The following DMD variants were observed in gnomAD, a reference collection of about 807,000 sequenced individuals.
DMD encodes dystrophin, also known as mutant dystrophin.
A neutral mutation model predicts 330.1 loss-of-function variants in DMD; 63 were observed. The ratio of observed to expected loss-of-function variants is 0.19; its 90% CI spans 0.16 to 0.24. DMD has a LOEUF of 0.24. Ranked by LOEUF, DMD falls within the 10% of genes least tolerant of loss-of-function variation. The pLI, the probability that DMD is intolerant of heterozygous loss-of-function variation, is 1.00. For synonymous variants in DMD, 1,223 were observed against 959.8 expected (o/e 1.27, Z -5.07); for missense variants, 3,344 against 2,684.1 (o/e 1.25, Z -5.43).
chrX:33,337,725 A>C (rs1169893643), intron 1 of DMD, among the ~76,000 whole-genome samples: 1 of 112,167 alleles, frequency 8.9e-6, no homozygotes, highest in Non-Finnish European at 1.9e-5. Flanking sequence ...TAATTAGCCC[A>C]CCACTTGCTA....
intron 43 of DMD, among the ~76,000 whole-genome samples, chrX:32,264,803 G>T (rs777258909): frequency 9.0e-6 from 1 of 111,690 alleles, no homozygotes; most frequent in Non-Finnish European, 1.9e-5. Context: ...AGATGATTTA[G>T]GGCATCTGGT....
At chrX:32,395,140 C>T (rs1334504929) in intron 30 of DMD, among the ~76,000 whole-genome samples, 1 of 110,806 alleles carries the variant, frequency 9.0e-6, no homozygotes, top group Non-Finnish European at 1.9e-5. Context: ...AATTATACTG[C>T]CTCTTTAATT....
At chrX:32,632,477 C>G (rs1053296430) in intron 11 of DMD, among the ~76,000 whole-genome samples, 1 of 112,457 alleles carries the variant, frequency 8.9e-6, no homozygotes, top group Non-Finnish European at 1.9e-5. Flanking sequence ...TGTGGGGGAT[C>G]AAAGCCCACA....
At chrX:32,403,436 C>A (rs1458818456) in intron 30 of DMD, among the ~76,000 whole-genome samples, 1 of 111,345 alleles carries the variant, frequency 9.0e-6, no homozygotes, top group Non-Finnish European at 1.9e-5. Context: ...TTTACAAAAG[C>A]ATACTATAGT....
intron 1 of DMD, among the ~76,000 whole-genome samples, chrX:33,222,237 G>C (rs2148874891): frequency 8.9e-6 from 1 of 111,960 alleles, no homozygotes; most frequent in East Asian, 2.8e-4. Flanking sequence ...AATCTGGCTT[G>C]ATATTTGAAA....
intron 44 of DMD, among the ~76,000 whole-genome samples, chrX:32,079,770 T>C (rs1212026199): frequency 2.7e-5 from 3 of 112,193 alleles, no homozygotes; most frequent in Non-Finnish European, 3.8e-5. Flanking sequence ...TCTAGTTATT[T>C]TGTTTTCTGT....
At chrX:32,896,875 G>A (rs1400748991) in intron 2 of DMD, among the ~76,000 whole-genome samples, 3 of 112,207 alleles carry the variant, frequency 2.7e-5, no homozygotes, top group Admixed American at 9.4e-5. Flanking sequence ...ACTGTGGTAC[G>A]CAGAACTTGA....
chrX:31,864,939 A>G (rs998098214), intron 48 of DMD, among the ~76,000 whole-genome samples: 2 of 111,973 alleles, frequency 1.8e-5, no homozygotes, highest in Admixed American at 9.5e-5. Context: ...AATTCACTCA[A>G]TTTTTCATTT....
intron 7 of DMD, among the ~76,000 whole-genome samples, chrX:32,777,277 T>TGGCGGGGGGG (rs1557019894): frequency 4.7e-4 from 1 of 2,113 alleles, no homozygotes; most frequent in African/African-American, 3.1e-3. Flanking sequence ...GGTTTCTGGT[T>TGGCGGGGGGG]GGGGGGGGAA....
chrX:33,163,995 T>C (rs1488435620), intron 1 of DMD, among the ~76,000 whole-genome samples: 1 of 111,404 alleles, frequency 9.0e-6, no homozygotes, highest in Non-Finnish European at 1.9e-5. Flanking sequence ...TACTGCATGG[T>C]TCTCCAGTAA....
intron 43 of DMD, among the ~76,000 whole-genome samples, chrX:32,262,294 A>G (rs1324526198): frequency 1.8e-5 from 2 of 111,863 alleles, no homozygotes; most frequent in East Asian, 5.6e-4. Flanking sequence ...ATAAAATTCT[A>G]TAAAACGCAA....
intron 55 of DMD, among the ~76,000 whole-genome samples, chrX:31,617,300 C>T (rs771580904): frequency 4.1e-4 from 46 of 110,858 alleles, no homozygotes; most frequent in Non-Finnish European, 6.6e-4. Context: ...TTTGGGAGGC[C>T]GGGGCGGGCG....
At chrX:32,525,469 G>C (rs755852276) in intron 17 of DMD, among the ~76,000 whole-genome samples, 1 of 111,478 alleles carries the variant, frequency 9.0e-6, no homozygotes, top group African/African-American at 3.3e-5. Context: ...TACATCCAAC[G>C]CTTAGTTTTA....
rs747415697 is a variant in DMD, at chrX:32,120,438, T to C, written c.6438+96478A>G. On this transcript the variant is annotated intron_variant, in intron 44 of 78. Transcript: ENST00000357033. ...AGTACTACTGGCCTAGAGTTGCTTC[T>C]AAGACTTTGGTATAACTACCAGTCA... Among the ~76,000 whole-genome samples the C allele has an allele frequency of 1.1e-3, 127 of 111,919 alleles. 1 individual carries two copies. The highest frequency in any genetic ancestry group is 2.1e-3 in the Non-Finnish European group (113 of 53,202).
At chrX:32,429,387 G>GTTTTTTTTTTTGTTTTTTTTTT (rs2098227615) in intron 29 of DMD, among the ~76,000 whole-genome samples, 1 of 44,197 alleles carries the variant, frequency 2.3e-5, no homozygotes, top group Non-Finnish European at 3.5e-5. Flanking sequence ...TTTTTTTTGG[G>GTTTTTTTTTTTGTTTTTTTTTT]TTTTTTTTTT....
At chrX:32,321,303 G>A (rs2097613137) in intron 41 of DMD, among the ~76,000 whole-genome samples, 1 of 110,311 alleles carries the variant, frequency 9.1e-6, no homozygotes, top group Admixed American at 9.7e-5. Context: ...TATGTATCAG[G>A]ACCTCAAATT....
At chrX:33,254,307 C>G in intron 1 of DMD, among the ~76,000 whole-genome samples, 1 of 99,537 alleles carries the variant, frequency 1.0e-5, no homozygotes. Context: ...TAAATATTTG[C>G]TCTCAGGTTT....
intron 9 of DMD, among the ~76,000 whole-genome samples, chrX:32,655,440 G>A (rs1181240728): frequency 1.8e-5 from 2 of 112,119 alleles, no homozygotes; most frequent in Non-Finnish European, 3.8e-5. Context: ...CCATGTAGTT[G>A]AGTGGTTTTG....
At chrX:31,881,599 AT>A (rs1303966935) in intron 47 of DMD, among the ~76,000 whole-genome samples, 2 of 111,121 alleles carry the variant, frequency 1.8e-5, no homozygotes, top group Non-Finnish European at 3.8e-5. Context: ...CAGCTGTACT[AT>A]TTTTTATCAT....
Sources: gnomAD v4.1 joint callset for allele counts (sites outside exome capture counted in the v4.1 genomes callset) on GRCh38, gnomAD v4.1.1 for gene constraint, MANE v1.5 for transcripts, NCBI Gene and HGNC (gene_info 2026-07-23, HGNC 2026-07-21) for gene names.